The following CTNNA3 variants were observed in gnomAD, a reference collection of about 807,000 sequenced individuals.
CTNNA3 encodes catenin alpha 3.
In CTNNA3, 76 loss-of-function variants were observed where a neutral mutation model predicts 95.7. The observed-to-expected ratio is 0.79, with a 90% CI of 0.66 to 0.96. CTNNA3 has a LOEUF of 0.96. Among genes scored for constraint, CTNNA3 ranks in the 40% least tolerant of loss-of-function variants. CTNNA3 has a pLI of 0.00. For missense variants in CTNNA3, 1,191 were observed against 1,089.8 expected (o/e 1.09, Z -1.31); for synonymous variants, 431 against 374.4 (o/e 1.15, Z -1.74).
At position 66,039,953 on chromosome 10, in the gene CTNNA3, A is replaced by T. The variant is rs528127021; in HGVS notation, c.2159+29355T>A. ...CAGATAACCTACAGAAGGGGAGAAA[A>T]TTTTTCCAAACTCTGCATCTGACTA... On this transcript the variant is annotated intron_variant, in intron 15 of 17. Transcript: ENST00000433211. Among the ~76,000 whole-genome samples, 20 of 152,240 alleles carry T rather than the reference A, an allele frequency of 1.3e-4. No individual in the cohort carries two copies. The South Asian group carries it at 3.9e-3, about 30-fold the overall frequency.
chr10:67,563,537 C>T (rs949258547), intron 3 of CTNNA3, among the ~76,000 whole-genome samples: 2 of 152,090 alleles, frequency 1.3e-5, no homozygotes, highest in Non-Finnish European at 1.5e-5. Flanking sequence ...ACCATAAGAG[C>T]CCTAGAAGAA....
At chr10:66,756,379 A>G (rs1839362930) in intron 9 of CTNNA3, among the ~76,000 whole-genome samples, 1 of 152,200 alleles carries the variant, frequency 6.6e-6, no homozygotes, top group Non-Finnish European at 1.5e-5. Context: ...AGTTGCTTAT[A>G]CTTAAGACAA....
At chr10:66,364,958 C>A (rs2092701320) in intron 12 of CTNNA3, among the ~76,000 whole-genome samples, 1 of 152,116 alleles carries the variant, frequency 6.6e-6, no homozygotes, top group East Asian at 1.9e-4. Flanking sequence ...TATCAATAAT[C>A]AACTCTATTA....
chr10:66,209,205 A>T (rs1290761748), intron 13 of CTNNA3, among the ~76,000 whole-genome samples: 1 of 152,168 alleles, frequency 6.6e-6, no homozygotes, highest in Non-Finnish European at 1.5e-5. Flanking sequence ...TATTCATTGA[A>T]CAAATATGTA....
chr10:66,837,473 G>A (rs1285883446), intron 7 of CTNNA3: 1 of 152,090 alleles, frequency 6.6e-6, no homozygotes, highest in Non-Finnish European at 1.5e-5. Flanking sequence ...TTAACCTACA[G>A]AGAGTTCACT....
At chr10:67,562,685 G>C (rs981132999) in intron 3 of CTNNA3, among the ~76,000 whole-genome samples, 2 of 152,200 alleles carry the variant, frequency 1.3e-5, no homozygotes, top group Non-Finnish European at 2.9e-5. Flanking sequence ...ATTAGGAAAA[G>C]AGGAAGTCAA....
intron 7 of CTNNA3, among the ~76,000 whole-genome samples, chr10:66,915,174 G>A (rs770221359): frequency 6.9e-6 from 1 of 144,472 alleles, no homozygotes; most frequent in Non-Finnish European, 1.5e-5. Flanking sequence ...AAAGCTCACT[G>A]ACTGCCCAAA....
At chr10:66,939,063 C>T (rs774051562) in intron 7 of CTNNA3, among the ~76,000 whole-genome samples, 11 of 152,164 alleles carry the variant, frequency 7.2e-5, no homozygotes, top group Non-Finnish European at 4.4e-5. Context: ...AGGGAACACC[C>T]TACGCTATGA....
rs570553674 is a variant in CTNNA3 at position 67,230,867 on chromosome 10, G to A, written c.580-10997C>T. Among the ~76,000 whole-genome samples the A allele has an allele frequency of 3.7e-3, 558 of 152,338 alleles. 2 individuals carry two copies. The highest frequency in any genetic ancestry group is 0.014 in the Middle Eastern group (4 of 294). ...TGAGGCATTGCCTCACTCGGGAAGC[G>A]CAGGGGGTCAGGGAGTTCCCTTTCC... On this transcript the variant is annotated intron_variant, in intron 5 of 17. Coordinates refer to ENST00000433211, the MANE Select transcript of CTNNA3 (RefSeq NM_013266.4).
chr10:66,838,790 G>C (rs1413005000), intron 7 of CTNNA3, among the ~76,000 whole-genome samples: 2 of 152,142 alleles, frequency 1.3e-5, no homozygotes, highest in Non-Finnish European at 1.5e-5. Flanking sequence ...AGACTTCGCT[G>C]AATAAACACT....
chr10:66,401,549 A>G (rs1394730578), intron 11 of CTNNA3, among the ~76,000 whole-genome samples: 1 of 150,256 alleles, frequency 6.7e-6, no homozygotes, highest in Non-Finnish European at 1.5e-5. Flanking sequence ...ACACACACAC[A>G]CACACACACA....
chr10:66,755,895 ATAAGACCCAG>A, intron 9 of CTNNA3, among the ~76,000 whole-genome samples: 1 of 152,268 alleles, frequency 6.6e-6, no homozygotes. Flanking sequence ...ATAAGTTCCC[ATAAGACCCAG>A]TAATTACAAC....
At chr10:67,731,930 T>TTTTTTTG (rs1554879897) in intron 1 of CTNNA3, among the ~76,000 whole-genome samples, 11 of 150,874 alleles carry the variant, frequency 7.3e-5, no homozygotes, top group Non-Finnish European at 1.3e-4. Context: ...CCGGCTAATT[T>TTTTTTTG]TTTTTGTTTT....
intron 9 of CTNNA3, among the ~76,000 whole-genome samples, chr10:66,761,317 G>C (rs148364949): frequency 0.012 from 1,768 of 152,100 alleles, 32 homozygotes; most frequent in African/African-American, 0.039. Flanking sequence ...CTGATGAAAG[G>C]CTCCCATGAA....
At chr10:67,300,954 A>C (rs1840242077) in intron 5 of CTNNA3, among the ~76,000 whole-genome samples, 1 of 152,210 alleles carries the variant, frequency 6.6e-6, no homozygotes, top group Admixed American at 6.5e-5. Flanking sequence ...TTTTTTATTT[A>C]AGTTTTAAAA....
intron 10 of CTNNA3, among the ~76,000 whole-genome samples, chr10:66,605,380 CAT>C (rs1844081566): frequency 6.6e-6 from 1 of 152,072 alleles, no homozygotes; most frequent in Non-Finnish European, 1.5e-5. Context: ...ACTTGGAAAA[CAT>C]ATTTCAGGAT....
intron 10 of CTNNA3, among the ~76,000 whole-genome samples, chr10:66,547,917 A>ATT (rs762970605): frequency 6.4e-5 from 9 of 140,836 alleles, no homozygotes; most frequent in African/African-American, 1.5e-4. Flanking sequence ...TTAGTATCTG[A>ATT]TTTTTTTTTT....
At chr10:67,302,042 A>C (rs189622065) in intron 5 of CTNNA3, among the ~76,000 whole-genome samples, 2,992 of 89,090 alleles carry the variant, frequency 0.034, 796 homozygotes, top group African/African-American at 0.21. Context: ...AAAGAAAGAA[A>C]GAAAGAAAGA....
At chr10:67,726,617 T>C (rs1406641426) in intron 1 of CTNNA3, among the ~76,000 whole-genome samples, 10 of 20,328 alleles carry the variant, frequency 4.9e-4, no homozygotes, top group African/African-American at 1.5e-3. Flanking sequence ...ATATAATATA[T>C]AATATATATT....
Sources: gnomAD v4.1 joint callset for allele counts (sites outside exome capture counted in the v4.1 genomes callset) on GRCh38, gnomAD v4.1.1 for gene constraint, MANE v1.5 for transcripts, NCBI Gene and HGNC (gene_info 2026-07-23, HGNC 2026-07-21) for gene names.